The following ARF1 variants were observed in gnomAD, a reference collection of about 807,000 sequenced individuals.
ARF1 encodes the protein ARF GTPase 1, also known as ADP-ribosylation factor 1.
In ARF1, 1 loss-of-function variant was observed where a neutral mutation model predicts 18.0. The observed-to-expected ratio is 0.06, with a 90% CI of 0.02 to 0.26. ARF1 has a LOEUF of 0.26. Ranked by LOEUF, ARF1 falls within the 10% of genes least tolerant of loss-of-function variation. The pLI is 1.00. For synonymous variants in ARF1, 112 were observed against 96.3 expected (o/e 1.16, Z -0.95); for missense variants, 73 against 247.2 (o/e 0.30, Z 4.73).
rs1180852606 is a variant in ARF1, at chr1:228,097,736, G to A, written c.384+21G>A. 17 of 1,597,424 alleles carry A rather than the reference G, an allele frequency of 1.1e-5. No individual in the cohort carries two copies. Among genetic ancestry groups the A allele is most frequent in the Non-Finnish European group, 1.4e-5 (16 of 1,170,932 alleles). On this transcript the variant is annotated intron_variant, in intron 4 of 4. Transcript: ENST00000272102. This position sits in a 1 kb window ranked among gnomAD's most constrained non-coding sequence, Gnocchi z 8.1. ...AGCAGGTAGGCGCCCGGGCCAGCCT[G>A]GGGAATGTGAGGAGCCAGTGTGGGT...
chr1:228,090,183 T>G (rs1170613591), intron 1 of ARF1, among the ~76,000 whole-genome samples: 3 of 151,822 alleles, frequency 2.0e-5, no homozygotes, highest in African/African-American at 7.3e-5. Context: ...TGGGAGAGAG[T>G]GAAGCACAAG....
At chr1:228,091,101 AG>A (rs1372071168) in intron 1 of ARF1, 1 of 152,246 alleles carries the variant, frequency 6.6e-6, no homozygotes, top group Non-Finnish European at 1.5e-5. Context: ...TACATTAGCT[AG>A]TGGGCAACGG....
intron 1 of ARF1, among the ~76,000 whole-genome samples, chr1:228,093,801 G>GC (rs2032646733): frequency 6.6e-6 from 1 of 151,696 alleles, no homozygotes; most frequent in African/African-American, 2.4e-5. Flanking sequence ...GGTGGCACGC[G>GC]CCTGTAGTCC....
chr1:228,094,516 C>T (rs540911586), intron 1 of ARF1, among the ~76,000 whole-genome samples: 1 of 152,158 alleles, frequency 6.6e-6, no homozygotes, highest in African/African-American at 2.4e-5. Flanking sequence ...CTAGAGTTGC[C>T]CAACCCCATA....
intron 1 of ARF1, among the ~76,000 whole-genome samples, chr1:228,084,675 C>G (rs1028913212): frequency 6.6e-6 from 1 of 152,180 alleles, no homozygotes; most frequent in Non-Finnish European, 1.5e-5. Flanking sequence ...AGGCTTGAAA[C>G]TATAGGAAGA....
chr1:228,097,832 C>T lies in ARF1; in HGVS notation c.385-20C>T, dbSNP rs529619815. Reference sequence around the variant, plus strand: ...TCTGTCCTGTGGACAGCCCTTCCCACCAACCCTTCCTTCCCCCAGGACCTC... The same window carrying T: ...TCTGTCCTGTGGACAGCCCTTCCCATCAACCCTTCCTTCCCCCAGGACCTC... On this transcript the variant is annotated intron_variant, in intron 4 of 4. Coordinates refer to ENST00000272102, the MANE Select transcript of ARF1 (RefSeq NM_001658.4). The surrounding 1 kb of genome is among the most constrained non-coding windows in gnomAD (Gnocchi z 8.1). The T allele has an allele frequency of 1.2e-6, 2 of 1,609,380 alleles. No homozygotes were observed. Among genetic ancestry groups the T allele is most frequent in the Non-Finnish European group, 1.7e-6 (2 of 1,177,114 alleles).
At chr1:228,091,135 A>G (rs373278091) in intron 1 of ARF1, 21 of 152,372 alleles carry the variant, frequency 1.4e-4, no homozygotes, top group Non-Finnish European at 2.2e-4. Context: ...CACATTAGCT[A>G]TAGTCCCAGA....
chr1:228,085,315 A>G (rs551594260), intron 1 of ARF1, among the ~76,000 whole-genome samples: 2 of 152,354 alleles, frequency 1.3e-5, no homozygotes, highest in African/African-American at 4.8e-5. Flanking sequence ...TCTCTAAGGC[A>G]TAGTTGCATT....
intron 1 of ARF1, chr1:228,083,631 CT>C (rs1220869551): frequency 6.6e-6 from 1 of 152,262 alleles, no homozygotes; most frequent in Non-Finnish European, 1.5e-5. Context: ...GCTGGTGAAT[CT>C]TTAACCTACC....
intron 1 of ARF1, among the ~76,000 whole-genome samples, chr1:228,095,339 A>G (rs2032706782): frequency 6.6e-6 from 1 of 151,868 alleles, no homozygotes; most frequent in African/African-American, 2.4e-5. Context: ...TGGGGCATAT[A>G]GAACTCTCAG....
intron 1 of ARF1, among the ~76,000 whole-genome samples, chr1:228,093,780 T>A (rs992171673): frequency 2.0e-5 from 3 of 151,316 alleles, no homozygotes; most frequent in Non-Finnish European, 4.4e-5. Context: ...AAATAAAAAT[T>A]AGCTCAGCGT....
chr1:228,094,406 A>G (rs897796441), intron 1 of ARF1, among the ~76,000 whole-genome samples: 3 of 151,918 alleles, frequency 2.0e-5, no homozygotes, highest in South Asian at 2.1e-4. Flanking sequence ...ATCCTCCACC[A>G]TATGTTTTCC....
Position 228,089,033 on chromosome 1 carries a change from G to A in ARF1, c.-38+6268G>A, listed in dbSNP as rs184995384. On this transcript the variant is annotated intron_variant, in intron 1 of 4. Transcript: ENST00000272102. The surrounding 1 kb of genome is among the most constrained non-coding windows in gnomAD (Gnocchi z 4.1). ...GCTGAGAACACGCAGGAGGAGGCTG[G>A]AGACGGGGTTCTTGCCTGGGGAACA... 1.5e-3 allele frequency among the ~76,000 whole-genome samples: 230 copies of A among 152,308 alleles called. 1 individual carries two copies. The highest frequency in any genetic ancestry group is 5.4e-3 in the African/African-American group (223 of 41,564).
At chr1:228,086,701 C>T (rs2032415026) in intron 1 of ARF1, among the ~76,000 whole-genome samples, 1 of 152,162 alleles carries the variant, frequency 6.6e-6, no homozygotes, top group African/African-American at 2.4e-5. Context: ...CCCACTGCAT[C>T]TCTCCATCTG....
intron 1 of ARF1, among the ~76,000 whole-genome samples, chr1:228,093,570 A>G (rs1282276414): frequency 1.3e-5 from 2 of 150,646 alleles, no homozygotes; most frequent in African/African-American, 4.9e-5. Context: ...TGGTTCTGCC[A>G]TTCCATTGCA....
chr1:228,087,259 T>C (rs962057560), intron 1 of ARF1, among the ~76,000 whole-genome samples: 1 of 152,220 alleles, frequency 6.6e-6, no homozygotes, highest in African/African-American at 2.4e-5. Context: ...GGGAAACTTT[T>C]AAGTATTTTA....
At chr1:228,096,837 C>A (rs2032761834) in intron 1 of ARF1, among the ~76,000 whole-genome samples, 1 of 152,248 alleles carries the variant, frequency 6.6e-6, no homozygotes, top group Admixed American at 6.5e-5. Flanking sequence ...TCTGGCCATG[C>A]AGCTGTGGGG....
At chr1:228,084,003 A>G (rs926414324) in intron 1 of ARF1, among the ~76,000 whole-genome samples, 1 of 152,214 alleles carries the variant, frequency 6.6e-6, no homozygotes, top group Non-Finnish European at 1.5e-5. Flanking sequence ...TTGTTTCAGA[A>G]CTAGTGGTCA....
At chr1:228,092,132 T>G (rs2032595699) in intron 1 of ARF1, among the ~76,000 whole-genome samples, 1 of 152,200 alleles carries the variant, frequency 6.6e-6, no homozygotes, top group African/African-American at 2.4e-5. Context: ...TCAGTGAACT[T>G]GACTTTAATA....
Sources: gnomAD v4.1 joint callset for allele counts (sites outside exome capture counted in the v4.1 genomes callset) on GRCh38, gnomAD v4.1.1 for gene constraint, Gnocchi (gnomAD v3.1) non-coding constraint, MANE v1.5 for transcripts, NCBI Gene and HGNC (gene_info 2026-07-23, HGNC 2026-07-21) for gene names.